The following MYZAP variants were observed in gnomAD, a reference collection of about 807,000 sequenced individuals.
The protein encoded by MYZAP is GRINL1A complex locus upstream.
A neutral mutation model predicts 69.4 loss-of-function variants in MYZAP; 66 were observed. That is an observed-to-expected ratio of 0.95 (90% CI 0.78 to 1.17). The LOEUF (loss-of-function observed/expected upper bound fraction) is 1.17. MYZAP is among the 50% of genes most tolerant of loss of function. The probability of loss-of-function intolerance (pLI) is 0.00; values close to 1 mark genes in which losing one functional copy is unlikely to be tolerated. For synonymous variants in MYZAP, 256 were observed against 205.9 expected, an observed-to-expected ratio of 1.24 and a Z score of -2.09; for missense variants, 611 against 556.2, an observed-to-expected ratio of 1.10 and a Z score of -0.99.
chr15:57,591,990 G>GGGAGGAACGCCGGCGTCCAGCCC lies in MYZAP; in HGVS notation c.-43_-21dup. The stretch of plus-strand genomic sequence containing the variant: ...CGGGCCCCGCACGCTTATTCTGCCC[G>GGGAGGAACGCCGGCGTCCAGCCC]GGAGGAACGCCGGCGTCCAGCCCGC... On this transcript the variant is annotated 5_prime_UTR_variant, in exon 1 of 13. Coordinates refer to ENST00000267853, the MANE Select transcript of MYZAP (RefSeq NM_001018100.5). The GGGAGGAACGCCGGCGTCCAGCCC allele has an allele frequency of 7.1e-7, 1 of 1,405,296 alleles. No homozygotes were observed. 87.1% of individuals were successfully genotyped at this position (1,405,296 alleles called of 1,614,324 possible).
chr15:57,674,835 A>G, intron 11 of MYZAP, 133 bp from the exon 12 acceptor site: 1 of 710,114 alleles, frequency 1.4e-6, no homozygotes, highest in African/African-American at 1.8e-5. Flanking sequence ...TGTGTAAGTG[A>G]TGCTCTGTAA....
chr15:57,649,356 A>G (rs1455475811), intron 10 of MYZAP, among the ~76,000 whole-genome samples: 2 of 152,204 alleles, frequency 1.3e-5, no homozygotes, highest in African/African-American at 2.4e-5. Context: ...GCTCATCACC[A>G]CTTGGCACTG....
chr15:57,673,460 ATGCGTGTGTGTG>A (rs2038968067), intron 11 of MYZAP, among the ~76,000 whole-genome samples: 1 of 72,868 alleles, frequency 1.4e-5, no homozygotes, highest in African/African-American at 5.2e-5. Flanking sequence ...GCATGCGTGC[ATGCGTGTGTGTG>A]TGTGTGTGTG....
chr15:57,631,660 CT>C (rs1210324397), intron 6 of MYZAP, among the ~76,000 whole-genome samples: 2 of 152,144 alleles, frequency 1.3e-5, no homozygotes, highest in African/African-American at 4.8e-5. Context: ...GGTGCCAACA[CT>C]TACCCAGTGA....
At chr15:57,648,417 T>C (rs2037558513) in intron 10 of MYZAP, 1 of 985,334 alleles carries the variant, frequency 1.0e-6, no homozygotes. Context: ...TATGTGAGGC[T>C]GAGTAATTCA....
chr15:57,661,667 G>T, intron 11 of MYZAP, 134 bp downstream of exon 11: 1 of 763,796 alleles, frequency 1.3e-6, no homozygotes, highest in Non-Finnish European at 2.0e-6. Flanking sequence ...TTAAGTGCCA[G>T]CCTTGAAAAT....
At chr15:57,603,985 T>C (rs1595854728) in intron 1 of MYZAP, among the ~76,000 whole-genome samples, 1 of 152,340 alleles carries the variant, frequency 6.6e-6, no homozygotes. Context: ...TCTATACATA[T>C]TCTTATGGAA....
intron 11 of MYZAP, 101 bp downstream of exon 11, chr15:57,661,634 G>T (rs1382063251): frequency 2.8e-6 from 3 of 1,060,952 alleles, no homozygotes; most frequent in African/African-American, 3.3e-5. Flanking sequence ...GCTATTTCCC[G>T]GCCTTATAAA....
At chr15:57,679,312 A>C (rs2039303930) in intron 12 of MYZAP, among the ~76,000 whole-genome samples, 1 of 140,696 alleles carries the variant, frequency 7.1e-6, no homozygotes, top group South Asian at 2.3e-4. Context: ...GCCTTGGATG[A>C]AGTCATTCCT....
chr15:57,635,389 C>T (rs150545599), intron 8 of MYZAP, among the ~76,000 whole-genome samples: 3 of 152,296 alleles, frequency 2.0e-5, no homozygotes, highest in East Asian at 1.9e-4. Flanking sequence ...GTCTTTAGCA[C>T]GACCCATTTT....
chr15:57,607,541 C>T (rs1230328086), intron 2 of MYZAP, among the ~76,000 whole-genome samples: 1 of 152,170 alleles, frequency 6.6e-6, no homozygotes, highest in Admixed American at 6.5e-5. Flanking sequence ...CCAAGTCCTC[C>T]CAGTCTCCCT....
At chr15:57,642,317 A>G (rs2037206788) in intron 10 of MYZAP, among the ~76,000 whole-genome samples, 1 of 152,252 alleles carries the variant, frequency 6.6e-6, no homozygotes, top group Admixed American at 6.5e-5. Flanking sequence ...ATTATGTTGC[A>G]TAATGAGCAA....
At chr15:57,612,189 G>A (rs1171332581) in intron 2 of MYZAP, among the ~76,000 whole-genome samples, 6 of 152,204 alleles carry the variant, frequency 3.9e-5, no homozygotes, top group African/African-American at 9.7e-5. Flanking sequence ...TCTGGCTGGA[G>A]AAAAGAGGTC....
chr15:57,647,766 T>G (rs538242809), intron 10 of MYZAP: 1 of 985,314 alleles, frequency 1.0e-6, no homozygotes, highest in Non-Finnish European at 1.2e-6. Flanking sequence ...CTAGGCTCAT[T>G]GTTGATCTTC....
intron 2 of MYZAP, among the ~76,000 whole-genome samples, chr15:57,614,624 A>C (rs567512951): frequency 6.6e-6 from 1 of 152,358 alleles, no homozygotes; most frequent in African/African-American, 2.4e-5. Context: ...GGGGATGGGC[A>C]GGGGAAGTGG....
intron 1 of MYZAP, among the ~76,000 whole-genome samples, chr15:57,603,760 CT>C (rs1217461770): frequency 6.6e-6 from 1 of 152,002 alleles, no homozygotes; most frequent in Non-Finnish European, 1.5e-5. Flanking sequence ...TTGCTTCCAC[CT>C]TTTGGCTATT....
chr15:57,629,427 A>T (rs544160424), intron 5 of MYZAP, among the ~76,000 whole-genome samples: 7 of 152,274 alleles, frequency 4.6e-5, no homozygotes, highest in African/African-American at 1.7e-4. Flanking sequence ...ATTTTAATCC[A>T]TTTCCATCCA....
Position 57,604,245 on chromosome 15 carries a change from GCCTCTCCTTTC to G in MYZAP, c.76-17_76-7del. On this transcript the variant is annotated splice_polypyrimidine_tract_variant and intron_variant, in intron 1 of 12. Coordinates refer to ENST00000267853, the MANE Select transcript of MYZAP (RefSeq NM_001018100.5). ...TGCCCCAAATGCTGACTCCTAACTGGCCTCTCCTTTCCCTCTCTTCTAGGCAAATGTTTGCA... is the reference window on the plus strand; with the variant it reads ...TGCCCCAAATGCTGACTCCTAACTGGCCTCTCTTCTAGGCAAATGTTTGCA... 1 of 1,613,088 alleles carries G rather than the reference GCCTCTCCTTTC, an allele frequency of 6.2e-7. No individual in the cohort carries two copies. Among genetic ancestry groups the G allele is most frequent in the African/African-American group, 1.3e-5 (1 of 75,016 alleles).
intron 4 of MYZAP, among the ~76,000 whole-genome samples, chr15:57,623,490 T>C (rs760875099): frequency 1.4e-4 from 21 of 152,292 alleles, no homozygotes; most frequent in Admixed American, 4.6e-4. Context: ...CACAGCATTT[T>C]GGGAGGCCGA....
Sources: gnomAD v4.1 joint callset for allele counts (sites outside exome capture counted in the v4.1 genomes callset) on GRCh38, gnomAD v4.1.1 for gene constraint, MANE v1.5 for transcripts, NCBI Gene and HGNC (gene_info 2026-07-23, HGNC 2026-07-21) for gene names.